HLCS: variants seen among roughly 807,000 people sequenced by gnomAD.
The protein encoded by HLCS is biotin--protein ligase.
In HLCS, 53 loss-of-function variants were observed where a neutral mutation model predicts 75.0. The observed-to-expected ratio is 0.71, with a 90% CI of 0.57 to 0.89. HLCS has a LOEUF of 0.89. Ranked by LOEUF, HLCS falls within the 40% of genes least tolerant of loss-of-function variation. HLCS has a pLI of 0.00. For missense variants in HLCS, 966 were observed against 1,074.0 expected, an observed-to-expected ratio of 0.90 and a Z score of 1.41; for synonymous variants, 431 against 428.6, an observed-to-expected ratio of 1.01 and a Z score of -0.07.
At chr21:36,863,405 T>C (rs1484812012) in intron 6 of HLCS, among the ~76,000 whole-genome samples, 1 of 151,636 alleles carries the variant, frequency 6.6e-6, no homozygotes, top group Non-Finnish European at 1.5e-5. Context: ...GAACAGCACA[T>C]TCAAAGATCC....
intron 2 of HLCS, among the ~76,000 whole-genome samples, chr21:36,951,889 C>G (rs2067686319): frequency 6.6e-6 from 1 of 152,108 alleles, no homozygotes; most frequent in Admixed American, 6.6e-5. Flanking sequence ...CGTAGCTGTT[C>G]AATAAATGTT....
At chr21:36,794,605 A>G (rs1329349489) in intron 6 of HLCS, among the ~76,000 whole-genome samples, 1 of 152,184 alleles carries the variant, frequency 6.6e-6, no homozygotes, top group Non-Finnish European at 1.5e-5. Flanking sequence ...GGTCATAGTA[A>G]GAACTCTGGA....
intron 2 of HLCS, among the ~76,000 whole-genome samples, chr21:36,959,408 G>A (rs1357838971): frequency 6.6e-6 from 1 of 152,220 alleles, no homozygotes; most frequent in African/African-American, 2.4e-5. Flanking sequence ...CAGGCCTGTA[G>A]GCACCCCTCA....
intron 6 of HLCS, among the ~76,000 whole-genome samples, chr21:36,824,018 G>A (rs532407222): frequency 1.2e-4 from 18 of 152,226 alleles, no homozygotes; most frequent in South Asian, 4.2e-4. Flanking sequence ...GGTGGCTCAC[G>A]CCTGTAATCC....
intron 6 of HLCS, among the ~76,000 whole-genome samples, chr21:36,808,027 G>A (rs897128354): frequency 4.2e-5 from 6 of 141,294 alleles, no homozygotes; most frequent in African/African-American, 1.3e-4. Flanking sequence ...GATAACTCAT[G>A]TTCATTGTAG....
rs904740418 is a variant in HLCS at position 36,931,984 on chromosome 21, G to A, written c.1438-1551C>T. On this transcript the variant is annotated intron_variant, in intron 4 of 10. Coordinates refer to ENST00000674895, the MANE Select transcript of HLCS (RefSeq NM_001352514.2). ...CTGTGCACATTAGGTGAACCGATGC[G>A]TCTACATGGTCCTGATCTGAGCAAG... is the stretch of plus-strand genomic sequence containing the variant. Among the ~76,000 whole-genome samples the A allele has an allele frequency of 4.6e-5, 7 of 152,164 alleles. No homozygotes were observed. The East Asian group carries it at 1.2e-3, about 25-fold the overall frequency.
At chr21:36,843,229 A>G (rs1420700507) in intron 6 of HLCS, among the ~76,000 whole-genome samples, 1 of 152,272 alleles carries the variant, frequency 6.6e-6, no homozygotes, top group African/African-American at 2.4e-5. Flanking sequence ...GCTTGAGTCC[A>G]GGAGTTCAAG....
At chr21:36,800,156 C>T (rs1428579514) in intron 6 of HLCS, among the ~76,000 whole-genome samples, 1 of 152,140 alleles carries the variant, frequency 6.6e-6, no homozygotes, top group Non-Finnish European at 1.5e-5. Context: ...GCCAGCTTGA[C>T]CCCACCACTC....
chr21:36,801,495 T>C (rs2061199373), intron 6 of HLCS, among the ~76,000 whole-genome samples: 1 of 152,186 alleles, frequency 6.6e-6, no homozygotes, highest in African/African-American at 2.4e-5. Flanking sequence ...AAAGAACAAA[T>C]ACATAGATCA....
At chr21:36,970,468 A>G (rs908536795), upstream of HLCS, among the ~76,000 whole-genome samples, 1 of 152,092 alleles carries the variant, frequency 6.6e-6, no homozygotes, top group African/African-American at 2.4e-5. Context: ...CCTGAGCTCA[A>G]GCCATCTGCC....
At chr21:36,762,302 G>A (rs1164612209) in intron 8 of HLCS, among the ~76,000 whole-genome samples, 2 of 152,166 alleles carry the variant, frequency 1.3e-5, no homozygotes, top group African/African-American at 4.8e-5. Flanking sequence ...AATGGCACTG[G>A]AGCTGGGCCT....
chr21:36,831,390 A>G (rs917482973), intron 6 of HLCS, among the ~76,000 whole-genome samples: 6 of 152,288 alleles, frequency 3.9e-5, no homozygotes, highest in South Asian at 4.1e-4. Flanking sequence ...TATAGAAATA[A>G]AGTTACTGGG....
rs1375685723 is a variant in HLCS at position 36,779,287 on chromosome 21, C to T, written c.1893-12002G>A. Among the ~76,000 whole-genome samples the T allele has an allele frequency of 2.0e-5, 3 of 151,990 alleles. No individual in the cohort carries two copies. In the South Asian group the frequency reaches 6.2e-4, roughly 32 times the overall value. On this transcript the variant is annotated intron_variant, in intron 6 of 10. Transcript: ENST00000674895. ...GTCAACTGTATTTCCTTCCGTCCATCCATCCCTCCCTCCTTCCTTCCTTCC... is the reference window on the plus strand; with the variant it reads ...GTCAACTGTATTTCCTTCCGTCCATTCATCCCTCCCTCCTTCCTTCCTTCC...
intron 6 of HLCS, among the ~76,000 whole-genome samples, chr21:36,798,407 A>T (rs1360828171): frequency 1.3e-5 from 2 of 152,212 alleles, no homozygotes; most frequent in Non-Finnish European, 2.9e-5. Flanking sequence ...TCACCAAATG[A>T]TGACTATTTA....
intron 8 of HLCS, among the ~76,000 whole-genome samples, chr21:36,761,873 A>G (rs1200414516): frequency 2.6e-5 from 4 of 152,166 alleles, no homozygotes; most frequent in Non-Finnish European, 5.9e-5. Context: ...GAGTTCCCAG[A>G]GCTGTCAAGC....
chr21:36,938,705 G>T, intron 3 of HLCS, 127 bp downstream of exon 3: 1 of 918,948 alleles, frequency 1.1e-6, no homozygotes, highest in Non-Finnish European at 1.8e-6. Context: ...AGGGGTCTAT[G>T]CTGCTCAGGC....
intron 6 of HLCS, among the ~76,000 whole-genome samples, chr21:36,892,740 T>C (rs1028579827): frequency 1.3e-5 from 2 of 152,214 alleles, no homozygotes; most frequent in African/African-American, 4.8e-5. Context: ...CTGGTGCAGG[T>C]TCCATGATGG....
In HLCS at chr21:36,900,061, C is replaced by T. The variant is rs929265273; in HGVS notation, c.1621-2930G>A. On this transcript the variant is annotated intron_variant, in intron 5 of 10. Transcript: ENST00000674895. ...CAGAGGTTGCAGTGAGCCAAGATTGCGCCACTGCACTCCAGACTGGGTGAT... is the reference window on the plus strand; with the variant it reads ...CAGAGGTTGCAGTGAGCCAAGATTGTGCCACTGCACTCCAGACTGGGTGAT... Among the ~76,000 whole-genome samples the T allele has an allele frequency of 8.6e-5, 13 of 151,974 alleles. No individual in the cohort carries two copies. In the South Asian group the frequency reaches 2.5e-3, roughly 29 times the overall value.
chr21:36,881,709 G>A (rs1188686116), intron 6 of HLCS, among the ~76,000 whole-genome samples: 1 of 152,214 alleles, frequency 6.6e-6, no homozygotes, highest in Non-Finnish European at 1.5e-5. Flanking sequence ...CTGTCCTCAG[G>A]CCAGCTGGGC....
Sources: gnomAD v4.1 joint callset for allele counts (sites outside exome capture counted in the v4.1 genomes callset) on GRCh38, gnomAD v4.1.1 for gene constraint, MANE v1.5 for transcripts, NCBI Gene and HGNC (gene_info 2026-07-23, HGNC 2026-07-21) for gene names.